Variants in SCN9A observed in about 807,000 individuals in gnomAD.
SCN9A encodes sodium voltage-gated channel alpha subunit 9.
Under a neutral mutation model 187.0 loss-of-function variants are expected in SCN9A, and 131 were observed. That is an observed-to-expected ratio of 0.70 (90% CI 0.61 to 0.81). The LOEUF is 0.81. Ranked by LOEUF, SCN9A falls within the 30% of genes least tolerant of loss-of-function variation. SCN9A has a pLI of 0.00. For synonymous variants in SCN9A, 809 were observed against 808.6 expected (o/e 1.00, Z -0.01); for missense variants, 2,252 against 2,396.6 (o/e 0.94, Z 1.26).
intron 1 of SCN9A, among the ~76,000 whole-genome samples, chr2:166,351,869 T>A (rs1014992077): frequency 3.9e-5 from 6 of 152,336 alleles, no homozygotes; most frequent in Admixed American, 3.3e-4. Flanking sequence ...ATCAACCTGA[T>A]ACCATCTAAG....
intron 7 of SCN9A, 46 bp from the exon 8 acceptor site, chr2:166,294,708 C>A (rs753308003): frequency 2.2e-6 from 3 of 1,346,656 alleles, no homozygotes; most frequent in Non-Finnish European, 2.1e-6. Context: ...AGACTTTAAT[C>A]TGTGATTGTG....
At chr2:166,247,777 C>G (rs920191067) in intron 18 of SCN9A, among the ~76,000 whole-genome samples, 1 of 152,070 alleles carries the variant, frequency 6.6e-6, no homozygotes. Flanking sequence ...TTCGCTAACT[C>G]TAATCCTGAT....
At chr2:166,322,375 A>C (rs964319274) in intron 1 of SCN9A, among the ~76,000 whole-genome samples, 10 of 152,160 alleles carry the variant, frequency 6.6e-5, no homozygotes, top group Non-Finnish European at 1.2e-4. Flanking sequence ...ACAGGTCAAT[A>C]ATCATCTTGG....
chr2:166,277,340 C>T lies in SCN9A; in HGVS notation c.2518-1G>A. 1 of 1,587,074 alleles carries T rather than the reference C, an allele frequency of 6.3e-7. No homozygotes were observed. Among genetic ancestry groups the T allele is most frequent in the South Asian group, 1.1e-5 (1 of 89,554 alleles). ...ATTTTGCCAACTTGAAGACTCGGAG[C>T]TAAAAGCAAATATAAAGTTTAATGT... On this transcript the variant is annotated splice_acceptor_variant, in intron 15 of 26. Transcript: ENST00000642356. LOFTEE classifies it high-confidence loss of function.
chr2:166,304,419 G>T, intron 5 of SCN9A, 90 bp from the exon 6 acceptor site: 2 of 1,106,572 alleles, frequency 1.8e-6, no homozygotes, highest in African/African-American at 1.6e-5. Context: ...TACGTTTGGG[G>T]CTTCTATTTT....
In SCN9A at chr2:166,242,661, C is replaced by G; in HGVS notation, c.3473-5G>C. On this transcript the variant is annotated splice_polypyrimidine_tract_variant and splice_region_variant and intron_variant, in intron 18 of 26. Coordinates refer to ENST00000642356, the MANE Select transcript of SCN9A (RefSeq NM_001365536.1). ...ATGAGAACCTCCATACACAACCTGACAAGAAAGACATGCATGTTAAATCTT... is the reference window on the plus strand; with the variant it reads ...ATGAGAACCTCCATACACAACCTGAGAAGAAAGACATGCATGTTAAATCTT... The G allele has an allele frequency of 3.2e-6, 5 of 1,542,204 alleles. No homozygotes were observed. The highest frequency in any genetic ancestry group is 4.4e-6 in the Non-Finnish European group (5 of 1,141,298).
In SCN9A at chr2:166,277,186, T is replaced by C. The variant is rs754277500; in HGVS notation, c.2671A>G (p.Ser891Gly). 6 of 1,614,016 alleles carry C rather than the reference T, an allele frequency of 3.7e-6. No homozygotes were observed. Among genetic ancestry groups the C allele is most frequent in the Non-Finnish European group, 5.1e-6 (6 of 1,179,992 alleles). The change falls in exon 16 of 27, where the codon AGC (serine) becomes GGC (glycine). Residue 891 changes from serine to glycine, a missense_variant. By Grantham distance (56) the Ser-to-Gly change is moderately conservative (BLOSUM62 0). Coordinates refer to ENST00000642356, the MANE Select transcript of SCN9A (RefSeq NM_001365536.1). ...ATCTTGCAGACACATTCTTTGTAGC[T>C]CTTACCAAAGAGCTGCATGCCGACC... ...AVVGMQLFGKSYKECVCKIND... is the reference protein window; with the variant it reads ...AVVGMQLFGKGYKECVCKIND...
At chr2:166,283,545 T>A (rs1697588551) in intron 12 of SCN9A, among the ~76,000 whole-genome samples, 1 of 152,126 alleles carries the variant, frequency 6.6e-6, no homozygotes. Flanking sequence ...ATGAGAAAGA[T>A]CTCACTTTCA....
chr2:166,262,773 C>G (rs961963926), intron 17 of SCN9A, among the ~76,000 whole-genome samples: 2 of 151,930 alleles, frequency 1.3e-5, no homozygotes, highest in African/African-American at 4.8e-5. Flanking sequence ...CTAAGGAGGT[C>G]ACAAAGACGA....
At chr2:166,277,459 C>A in intron 15 of SCN9A, 120 bp from the exon 16 acceptor site, 2 of 617,396 alleles carry the variant, frequency 3.2e-6, no homozygotes, top group Non-Finnish European at 5.6e-6. Context: ...TCATTATTAT[C>A]CAGCTAAAAT....
intron 17 of SCN9A, among the ~76,000 whole-genome samples, chr2:166,256,590 T>C (rs1268987487): frequency 6.6e-6 from 1 of 151,514 alleles, no homozygotes; most frequent in Non-Finnish European, 1.5e-5. Flanking sequence ...ACATTCTAAT[T>C]ATGGGCAACT....
At chr2:166,317,560 T>A (rs915092917) in intron 1 of SCN9A, among the ~76,000 whole-genome samples, 1 of 152,224 alleles carries the variant, frequency 6.6e-6, no homozygotes. Context: ...AAATATTTAT[T>A]CTGAACTCTT....
rs796826869 is a variant in SCN9A, at chr2:166,283,233, A to T, written c.1974+1220T>A. On this transcript the variant is annotated intron_variant, in intron 12 of 26. Transcript: ENST00000642356. ...TGCAAGCAAAGTTTGATTCCACAGAAATTTAACATGCTCATTCAATAATGA... is the reference window on the plus strand; with the variant it reads ...TGCAAGCAAAGTTTGATTCCACAGATATTTAACATGCTCATTCAATAATGA... 1.2e-4 allele frequency among the ~76,000 whole-genome samples: 18 copies of T among 152,312 alleles called. No individual in the cohort carries two copies. The South Asian group carries it at 3.7e-3, about 32-fold the overall frequency.
intron 1 of SCN9A, among the ~76,000 whole-genome samples, chr2:166,360,225 AAAAAAAAAAAG>A (rs1316378473): frequency 6.3e-5 from 9 of 143,238 alleles, no homozygotes; most frequent in African/African-American, 2.1e-4. Flanking sequence ...GTCTCAAAAA[AAAAAAAAAAAG>A]AAAAAAAAAA....
chr2:166,218,266 G>C lies in SCN9A; in HGVS notation c.4398+8301C>G, dbSNP rs374650411. Among the ~76,000 whole-genome samples, 3 of 110,258 alleles carry C rather than the reference G, an allele frequency of 2.7e-5. No individual in the cohort carries two copies. The South Asian group carries it at 1.0e-3, about 38-fold the overall frequency. The allele number at this position is 110,258 out of a possible 152,430, so 72.3% of individuals were successfully genotyped here. On this transcript the variant is annotated intron_variant, in intron 24 of 26. Coordinates refer to ENST00000642356, the MANE Select transcript of SCN9A (RefSeq NM_001365536.1). ...ATCTCACTTACATGTAAAATGGGGT[G>C]GGGGGAGGGGGGAGGGATAGCATTA...
rs760223644 is a variant in SCN9A, at chr2:166,204,085, A to G, written c.4644T>C (p.Tyr1548=). 2 of 1,612,792 alleles carry G rather than the reference A, an allele frequency of 1.2e-6. No homozygotes were observed. The highest frequency in any genetic ancestry group is 1.7e-5 in the Admixed American group (1 of 59,876). The change falls in exon 26 of 27, where the codon TAT becomes TAC. Residue 1548 remains tyrosine (Y), a synonymous_variant. Transcript: ENST00000642356. ...GQSQHMTEVL[Y]WINVVFIILF... is the part of the protein sequence containing the mutation. ...GGATTATAAAAACCACATTTATCCA[A>G]TATAAAACTTCAGTCATATGTTGAC...
chr2:166,277,374 A>G, intron 15 of SCN9A, 35 bp from the exon 16 acceptor site: 1 of 1,404,714 alleles, frequency 7.1e-7, no homozygotes. Context: ...GTTAATCACT[A>G]TGAAAATCTT....
intron 2 of SCN9A, among the ~76,000 whole-genome samples, chr2:166,310,090 A>G (rs1252821829): frequency 1.8e-5 from 2 of 111,148 alleles, no homozygotes; most frequent in Admixed American, 1.7e-4. Flanking sequence ...CACCTTATAC[A>G]AAAATCAATT....
At chr2:166,339,822 AGT>A (rs1356770642) in intron 1 of SCN9A, among the ~76,000 whole-genome samples, 2 of 152,324 alleles carry the variant, frequency 1.3e-5, no homozygotes, top group Admixed American at 1.3e-4. Context: ...TGAGAACCTT[AGT>A]GTAGAATATG....
Sources: gnomAD v4.1 joint callset for allele counts (sites outside exome capture counted in the v4.1 genomes callset) on GRCh38, gnomAD v4.1.1 for gene constraint, MANE v1.5 for transcripts, NCBI Gene and HGNC (gene_info 2026-07-23, HGNC 2026-07-21) for gene names.